ZMAT1: variants seen among roughly 807,000 people sequenced by gnomAD.
ZMAT1 encodes the protein zinc finger matrin-type 1, also known as zinc finger matrin-type protein 1.
In ZMAT1, 11 loss-of-function variants were observed where a neutral mutation model predicts 18.5. The ratio of observed to expected loss-of-function variants is 0.59; its 90% CI spans 0.37 to 0.98. The LOEUF is 0.98. Ranked by LOEUF, ZMAT1 falls within the 50% of genes least tolerant of loss-of-function variation. The probability of loss-of-function intolerance (pLI) is 0.01; values close to 1 mark genes in which losing one functional copy is unlikely to be tolerated. For missense variants in ZMAT1, 525 were observed against 496.2 expected (o/e 1.06, Z -0.55); for synonymous variants, 211 against 176.4 (o/e 1.20, Z -1.55).
rs1926695737 is a variant in ZMAT1, at chrX:101,883,897, T to A, written c.1701A>T (p.Ser567=). The change falls in exon 6 of 6, where the codon TCA becomes TCT. Residue 567 remains serine, a synonymous_variant. Transcript: ENST00000651725. Reference sequence around the variant, plus strand: ...TGTAAACTTCAGATTCTACACTGTATGAGCCAGAGTTATTTTCTTGCTGAT... The same window carrying A: ...TGTAAACTTCAGATTCTACACTGTAAGAGCCAGAGTTATTTTCTTGCTGAT... The part of the protein sequence containing the change: ...SLNQQENNSG[S]YSVESEVYKH... 1 of 1,210,578 alleles carries A rather than the reference T, an allele frequency of 8.3e-7. No individual in the cohort carries two copies.
intron 4 of ZMAT1, chrX:101,894,874 G>A (rs1399830030): frequency 1.3e-6 from 1 of 750,454 alleles, no homozygotes. Context: ...ATATGAAAGG[G>A]GAATAAAATA....
At chrX:101,898,776 C>T (rs946648974) in intron 2 of ZMAT1, among the ~76,000 whole-genome samples, 5 of 111,957 alleles carry the variant, frequency 4.5e-5, no homozygotes, top group African/African-American at 6.5e-5. Flanking sequence ...GCCCGCCAGA[C>T]GTGGTGGCTC....
At position 101,931,895 on chromosome X, in the gene ZMAT1, CGCCGCCGCT is replaced by C. The variant is rs1452343074; in HGVS notation, c.105_113del (p.Ala42_Ala44del). On this transcript the variant is annotated inframe_deletion, in exon 1 of 6. Coordinates refer to ENST00000651725, the MANE Select transcript of ZMAT1 (RefSeq NM_001394560.1). The stretch of plus-strand genomic sequence containing the variant: ...CAATTACTGCCGCCGCCGCCGCCGC[CGCCGCCGCT>C]GCCGCGCAGGCGGTGTAGGAGGAGG... 8.9e-5 allele frequency: 71 copies of C among 797,263 alleles called. No individual in the cohort carries two copies. The highest frequency in any genetic ancestry group is 1.0e-4 in the Non-Finnish European group (70 of 670,669). 65.7% of individuals were successfully genotyped at this position (797,263 alleles called of 1,213,427 possible). A position where few individuals can be genotyped will look rare whatever the true frequency, so the allele number is the denominator to read the frequency against.
intron 1 of ZMAT1, among the ~76,000 whole-genome samples, chrX:101,906,420 G>T (rs1928626444): frequency 9.0e-6 from 1 of 111,598 alleles, no homozygotes; most frequent in African/African-American, 3.3e-5. Context: ...CTCCAGGCCA[G>T]CCCCTGGAGG....
At chrX:101,914,496 T>A (rs1224546552) in intron 1 of ZMAT1, among the ~76,000 whole-genome samples, 1 of 109,940 alleles carries the variant, frequency 9.1e-6, no homozygotes, top group Non-Finnish European at 1.9e-5. Flanking sequence ...ATATATCAAA[T>A]CAGAAATGAA....
intron 4 of ZMAT1, among the ~76,000 whole-genome samples, chrX:101,890,752 A>G (rs746210097): frequency 1.3e-4 from 15 of 111,298 alleles, no homozygotes; most frequent in Admixed American, 1.3e-3. Context: ...GGCTACTGGA[A>G]GAGATAATGT....
chrX:101,910,570 CA>C (rs1476718903), intron 1 of ZMAT1, among the ~76,000 whole-genome samples: 8 of 111,885 alleles, frequency 7.2e-5, no homozygotes, highest in Admixed American at 5.7e-4. Flanking sequence ...ATAAATTTAA[CA>C]AAGAGATTGA....
At chrX:101,912,052 C>T in intron 1 of ZMAT1, 1 of 1,139,221 alleles carries the variant, frequency 8.8e-7, no homozygotes, top group South Asian at 1.8e-5. Flanking sequence ...TTACCAAGCA[C>T]CAGAGAATTC....
intron 4 of ZMAT1, among the ~76,000 whole-genome samples, chrX:101,896,684 T>C (rs192015450): frequency 8.9e-6 from 1 of 112,071 alleles, no homozygotes; most frequent in African/African-American, 3.2e-5. Flanking sequence ...TCCTAAAGTG[T>C]TGAAGCTACA....
chrX:101,884,339 G>A lies in ZMAT1; in HGVS notation c.1259C>T (p.Thr420Ile). The change falls in exon 6 of 6, where the codon ACC becomes ATC. Residue 420 changes from threonine to isoleucine, a missense_variant. Coordinates refer to ENST00000651725, the MANE Select transcript of ZMAT1 (RefSeq NM_001394560.1). ...TGAAATATGGTATGGTCGTTGGTAGGTCTGGGAAGCCTCATGTGAAAATCT... is the reference window on the plus strand; with the variant it reads ...TGAAATATGGTATGGTCGTTGGTAGATCTGGGAAGCCTCATGTGAAAATCT... The part of the protein sequence containing the change: ...EQRFSHEASQ[T>I]YQRPYHISPV... The A allele has an allele frequency of 8.3e-7, 1 of 1,210,808 alleles. No individual in the cohort carries two copies.
At chrX:101,895,356 G>A (rs2147604600) in intron 4 of ZMAT1, among the ~76,000 whole-genome samples, 1 of 110,613 alleles carries the variant, frequency 9.0e-6, no homozygotes, top group Non-Finnish European at 1.9e-5. Context: ...GAAACCATGA[G>A]AATTCCTATG....
At chrX:101,923,773 T>C (rs969160858) in intron 1 of ZMAT1, among the ~76,000 whole-genome samples, 3 of 111,945 alleles carry the variant, frequency 2.7e-5, no homozygotes, top group Non-Finnish European at 5.6e-5. Context: ...ACAGTTGAGT[T>C]TTCCCCAATG....
chrX:101,918,261 GTA>G (rs1272039249), intron 1 of ZMAT1, among the ~76,000 whole-genome samples: 23 of 111,166 alleles, frequency 2.1e-4, no homozygotes, highest in African/African-American at 7.5e-4. Flanking sequence ...CTGCATGCCT[GTA>G]TCAAAACATC....
At chrX:101,915,622 G>A (rs1929268362) in intron 1 of ZMAT1, 1 of 112,050 alleles carries the variant, frequency 8.9e-6, no homozygotes, top group South Asian at 3.7e-4. Flanking sequence ...ACTAAAACTG[G>A]AATGATACAG....
At chrX:101,911,735 G>T (rs980925800) in intron 1 of ZMAT1, 1 of 1,207,284 alleles carries the variant, frequency 8.3e-7, no homozygotes, top group Non-Finnish European at 1.1e-6. Context: ...CCACACAGGA[G>T]AGAAACCCTA....
In ZMAT1 at chrX:101,888,388, A is replaced by G. The variant is rs1490444950; in HGVS notation, c.677-1657T>C. The G allele has an allele frequency of 2.7e-5, 3 of 111,502 alleles. No homozygotes were observed. In the East Asian group the frequency reaches 8.5e-4, roughly 32 times the overall value. The allele number at this position is 111,502 out of a possible 1,213,427, so 9.2% of individuals were successfully genotyped here. A position where few individuals can be genotyped will look rare whatever the true frequency, so the allele number is the denominator to read the frequency against. On this transcript the variant is annotated intron_variant, in intron 4 of 5. Transcript: ENST00000651725. Reference sequence around the variant, plus strand: ...AACTTTGCCAATACCATATATTTTGAGGGTACCCAAGTTGTGCAAGATAAG... The same window carrying G: ...AACTTTGCCAATACCATATATTTTGGGGGTACCCAAGTTGTGCAAGATAAG...
intron 2 of ZMAT1, 49 bp from the exon 3 acceptor site, chrX:101,898,269 C>A: frequency 1.9e-6 from 2 of 1,049,321 alleles, no homozygotes; most frequent in South Asian, 4.1e-5. Flanking sequence ...AAGAGTCATT[C>A]AAAATTTACA....
At chrX:101,899,468 TCCC>T (rs1171961181) in intron 2 of ZMAT1, among the ~76,000 whole-genome samples, 2 of 110,889 alleles carry the variant, frequency 1.8e-5, no homozygotes, top group Non-Finnish European at 3.8e-5. Flanking sequence ...CTTCCACTCT[TCCC>T]CCCAAGTCCC....
chrX:101,884,058 T>C lies in ZMAT1; in HGVS notation c.1540A>G (p.Ser514Gly). 8.3e-7 allele frequency: 1 copy of C among 1,210,042 alleles called. No individual in the cohort carries two copies. Among genetic ancestry groups the C allele is most frequent in the Non-Finnish European group, 1.1e-6 (1 of 895,259 alleles). Residue 514 changes from serine (S) to glycine (G), a missense_variant, in exon 6 of 6, where the codon AGT (serine) becomes GGT (glycine). Transcript: ENST00000651725. ...TGGTTTTCCACTACTTGTGAAATAC[T>C]ATATGGTCCTGAATAGGTCTGGAAA... ...ETFQTYSGPY[S>G]ISQVVENQLP...
Sources: allele counts gnomAD v4.1 joint callset (sites outside exome capture counted in the v4.1 genomes callset), GRCh38; gene constraint gnomAD v4.1.1; transcripts MANE v1.5; gene names NCBI Gene and HGNC (gene_info 2026-07-23, HGNC 2026-07-21).